Variants in DNAJC13 observed in about 807,000 individuals in gnomAD.
The protein encoded by DNAJC13 is DnaJ heat shock protein family (Hsp40) member C13.
DNAJC13 carries 75 observed loss-of-function variants against 290.5 expected under a neutral mutation model. That is an observed-to-expected ratio of 0.26 (90% CI 0.21 to 0.31). The LOEUF (loss-of-function observed/expected upper bound fraction) is 0.31, where lower values mean the gene tolerates loss of function less well. Among genes scored for constraint, DNAJC13 ranks in the 10% least tolerant of loss-of-function variants. DNAJC13 has a pLI of 1.00. For synonymous variants in DNAJC13, 862 were observed against 892.0 expected, an observed-to-expected ratio of 0.97 and a Z score of 0.60; for missense variants, 2,260 against 2,674.5, an observed-to-expected ratio of 0.85 and a Z score of 3.42.
At chr3:132,495,279 A>G (rs1016281793) in intron 35 of DNAJC13, 113 bp downstream of exon 35, 2 of 743,720 alleles carry the variant, frequency 2.7e-6, no homozygotes, top group Non-Finnish European at 4.4e-6. Flanking sequence ...ATATATACTC[A>G]GTGTATGTTT....
chr3:132,526,933 T>G (rs1936277164), intron 53 of DNAJC13, among the ~76,000 whole-genome samples: 1 of 152,200 alleles, frequency 6.6e-6, no homozygotes, highest in Non-Finnish European at 1.5e-5. Flanking sequence ...GAGAGTAGAA[T>G]AGTGATTACT....
chr3:132,503,979 TA>T (rs575646791), intron 41 of DNAJC13, among the ~76,000 whole-genome samples: 143 of 144,656 alleles, frequency 9.9e-4, no homozygotes, highest in South Asian at 2.0e-3. Flanking sequence ...CCTTTAATTA[TA>T]AAAAAAAAAA....
chr3:132,537,946 G>A (rs796302940), intron 55 of DNAJC13, among the ~76,000 whole-genome samples: 53 of 152,298 alleles, frequency 3.5e-4, no homozygotes, highest in African/African-American at 1.3e-3. Flanking sequence ...TTCCACACCA[G>A]TGTTACTGTC....
chr3:132,480,538 C>A, intron 26 of DNAJC13, 68 bp downstream of exon 26: 7 of 1,176,178 alleles, frequency 6.0e-6, no homozygotes, highest in Non-Finnish European at 8.7e-6. Context: ...GCAAAAGAAT[C>A]ATAGAAATCT....
rs146963733 is a variant in DNAJC13 at position 132,529,235 on chromosome 3, G to A, written c.6525+903G>A. 4.6e-3 allele frequency among the ~76,000 whole-genome samples: 694 copies of A among 152,086 alleles called. 5 individuals are homozygous for A. Among genetic ancestry groups the A allele is most frequent in the African/African-American group, 0.015 (627 of 41,452 alleles). ...CCCTTTGTGTCTATCTTGTCATTTA[G>A]CATGTTTTTAAGCATCATCCATGTT... On this transcript the variant is annotated intron_variant, in intron 54 of 55. Transcript: ENST00000260818.
At chr3:132,446,127 G>T (rs1559872232) in intron 2 of DNAJC13, among the ~76,000 whole-genome samples, 1 of 143,336 alleles carries the variant, frequency 7.0e-6, no homozygotes, top group Non-Finnish European at 1.5e-5. Context: ...GGTATGCAGT[G>T]TTTTTTTTTT....
chr3:132,434,974 A>G (rs150923856), intron 2 of DNAJC13, among the ~76,000 whole-genome samples: 190 of 152,348 alleles, frequency 1.2e-3, no homozygotes, highest in African/African-American at 4.4e-3. Context: ...TCTGTAGCCA[A>G]CATTTTCATA....
At chr3:132,436,116 A>G (rs1939378908) in intron 2 of DNAJC13, among the ~76,000 whole-genome samples, 1 of 152,180 alleles carries the variant, frequency 6.6e-6, no homozygotes, top group Non-Finnish European at 1.5e-5. Context: ...GTGTATTCAT[A>G]AAGTTGTAAA....
intron 1 of DNAJC13, among the ~76,000 whole-genome samples, chr3:132,426,469 A>G (rs914860663): frequency 7.2e-5 from 11 of 152,236 alleles, no homozygotes; most frequent in African/African-American, 2.4e-4. Context: ...TAGCCTCTAA[A>G]CAACTGGCAG....
At chr3:132,443,099 T>G (rs1352386253) in intron 2 of DNAJC13, among the ~76,000 whole-genome samples, 1 of 152,234 alleles carries the variant, frequency 6.6e-6, no homozygotes, top group East Asian at 1.9e-4. Context: ...CCTCCCTGAA[T>G]CCGTGGAGTC....
intron 40 of DNAJC13, 128 bp downstream of exon 40, chr3:132,502,596 T>A (rs970864289): frequency 2.2e-4 from 192 of 878,270 alleles, no homozygotes; most frequent in Non-Finnish European, 2.9e-4. Context: ...TTAGGTTTTT[T>A]GCTTTTTAAA....
intron 46 of DNAJC13, among the ~76,000 whole-genome samples, chr3:132,515,974 G>A (rs1347708477): frequency 6.6e-6 from 1 of 152,136 alleles, no homozygotes; most frequent in Non-Finnish European, 1.5e-5. Flanking sequence ...TTGTCCAGAA[G>A]GATGCAATTA....
chr3:132,534,282 A>G (rs1044076956), intron 55 of DNAJC13, among the ~76,000 whole-genome samples: 1 of 152,200 alleles, frequency 6.6e-6, no homozygotes, highest in Non-Finnish European at 1.5e-5. Flanking sequence ...AATTCTGAGC[A>G]TGTTATCAAT....
At position 132,538,690 on chromosome 3, in the gene DNAJC13, C is replaced by T; in HGVS notation, c.*408C>T. Reference sequence around the variant, plus strand: ...TTTCCCCAGGAAAGAATATTTCCCTCTCCTGCATCAAGTCTGCGTGGCCAT... The same window carrying T: ...TTTCCCCAGGAAAGAATATTTCCCTTTCCTGCATCAAGTCTGCGTGGCCAT... On this transcript the variant is annotated 3_prime_UTR_variant, in exon 56 of 56. Coordinates refer to ENST00000260818, the MANE Select transcript of DNAJC13 (RefSeq NM_015268.4). 1 of 159,246 alleles carries T rather than the reference C, an allele frequency of 6.3e-6. No individual in the cohort carries two copies. The highest frequency in any genetic ancestry group is 1.8e-4 in the South Asian group (1 of 5,552). 9.9% of individuals were successfully genotyped at this position (159,246 alleles called of 1,614,324 possible).
At chr3:132,459,119 GAGA>G (rs1933711096) in intron 13 of DNAJC13, among the ~76,000 whole-genome samples, 1 of 152,094 alleles carries the variant, frequency 6.6e-6, no homozygotes, top group South Asian at 2.1e-4. Flanking sequence ...CTATTTTGTA[GAGA>G]AGGACTTAAG....
At chr3:132,425,488 A>G (rs916698241) in intron 1 of DNAJC13, among the ~76,000 whole-genome samples, 2 of 152,206 alleles carry the variant, frequency 1.3e-5, no homozygotes, top group African/African-American at 2.4e-5. Context: ...TACTTGCTTT[A>G]TCACAGATCT....
intron 2 of DNAJC13, 108 bp from the exon 3 acceptor site, chr3:132,446,367 A>G: frequency 2.9e-6 from 2 of 688,332 alleles, no homozygotes; most frequent in South Asian, 3.8e-5. Context: ...ACCATTAATC[A>G]ACTAACACAT....
rs201401196 is a variant in DNAJC13 at position 132,495,133 on chromosome 3, A to G, written c.3987A>G (p.Gln1329=). 3 of 1,613,624 alleles carry G rather than the reference A, an allele frequency of 1.9e-6. No homozygotes were observed. Among genetic ancestry groups the G allele is most frequent in the East Asian group, 2.2e-5 (1 of 44,860 alleles). ...GGAAAGCTTACTTCAGACTTGCACA[A>G]AAGTACCACCCTGATAAGAATCCAG... ...KIRKAYFRLA[Q]KYHPDKNPEG... The change falls in exon 35 of 56, where the codon CAA becomes CAG. Residue 1329 remains glutamine (Q), a synonymous_variant. Transcript: ENST00000260818.
intron 55 of DNAJC13, among the ~76,000 whole-genome samples, 153 bp downstream of exon 55, chr3:132,531,250 T>C (rs1028733216): frequency 2.2e-4 from 33 of 152,194 alleles, no homozygotes; most frequent in African/African-American, 7.5e-4. Context: ...AGTAGACATA[T>C]GGTCTTAGCT....
Sources: gnomAD v4.1 joint callset for allele counts (sites outside exome capture counted in the v4.1 genomes callset) on GRCh38, gnomAD v4.1.1 for gene constraint, MANE v1.5 for transcripts, NCBI Gene and HGNC (gene_info 2026-07-23, HGNC 2026-07-21) for gene names.